The following SYNE2 variants were observed in gnomAD, a reference collection of about 807,000 sequenced individuals.
The protein encoded by SYNE2 is nesprin-2.
SYNE2 carries 431 observed loss-of-function variants against 856.3 expected under a neutral mutation model. That is an observed-to-expected ratio of 0.50 (90% confidence interval 0.47 to 0.55). SYNE2 has a LOEUF of 0.55. SYNE2 is among the 20% of genes least tolerant of loss of function. The pLI is 0.00. For missense variants in SYNE2, 8,129 were observed against 8,023.2 expected, an observed-to-expected ratio of 1.01 and a Z score of -0.50; for synonymous variants, 2,923 against 2,872.3, an observed-to-expected ratio of 1.02 and a Z score of -0.56.
chr14:64,212,367 G>GT (rs1473678010), intron 104 of SYNE2, among the ~76,000 whole-genome samples: 1 of 152,184 alleles, frequency 6.6e-6, no homozygotes, highest in Non-Finnish European at 1.5e-5. Flanking sequence ...TAATCTCACT[G>GT]TAATTCTCTC....
chr14:63,827,783 T>C (rs562876715), intron 1 of SYNE2, among the ~76,000 whole-genome samples: 2 of 151,344 alleles, frequency 1.3e-5, no homozygotes, highest in East Asian at 3.9e-4. Context: ...CTCAGCAAGA[T>C]GAGATCAGCC....
At position 63,817,481 on chromosome 14, in the gene SYNE2, A is replaced by AAAAC. The variant is rs568256220; in HGVS notation, c.-304-35000_-304-34997dup. On this transcript the variant is annotated intron_variant, in intron 1 of 23. Coordinates refer to the SYNE2 transcript ENST00000674003. ...GACCCTGTCTCAAAAAACATAAACA[A>AAAAC]AAACAAACAAACAAACAAACAAAAA... is the stretch of plus-strand genomic sequence containing the variant. 5.7e-3 allele frequency among the ~76,000 whole-genome samples: 869 copies of AAAAC among 152,080 alleles called. 5 individuals are homozygous for AAAAC. The highest frequency in any genetic ancestry group is 0.019 in the African/African-American group (794 of 41,436).
Position 64,027,599 on chromosome 14 carries a change from G to A in SYNE2, c.6520G>A (p.Gly2174Ser). 1 of 1,614,040 alleles carries A rather than the reference G, an allele frequency of 6.2e-7. No individual in the cohort carries two copies. Among genetic ancestry groups the A allele is most frequent in the African/African-American group, 1.3e-5 (1 of 75,034 alleles). ...KQEAGFALQH[G>S]LQEKKAQLKI... is the part of the protein sequence containing the mutation. Reference sequence around the variant, plus strand: ...GGAAGCAGGCTTTGCTCTACAACATGGTCTGCAGGAGAAGAAAGCTCAGTT... The same window carrying A: ...GGAAGCAGGCTTTGCTCTACAACATAGTCTGCAGGAGAAGAAAGCTCAGTT... Residue 2174 changes from glycine to serine, a missense_variant, in exon 43 of 116, where the codon GGT becomes AGT. This residue lies in a region of SYNE2 where 297 missense variants were observed against 380.9 expected (regional missense o/e 0.78). Transcript: ENST00000555002.
At chr14:64,103,900 C>T (rs1567309673) in intron 64 of SYNE2, among the ~76,000 whole-genome samples, 1 of 152,208 alleles carries the variant, frequency 6.6e-6, no homozygotes, top group Non-Finnish European at 1.5e-5. Flanking sequence ...AACCTCCTGA[C>T]ATCCTGCAAA....
At chr14:64,002,170 T>C in intron 29 of SYNE2, 89 bp downstream of exon 29, 2 of 1,109,182 alleles carry the variant, frequency 1.8e-6, no homozygotes. Flanking sequence ...TTATTCATGA[T>C]AGCATAGATT....
At chr14:64,141,778 G>A (rs1449902696) in intron 81 of SYNE2, among the ~76,000 whole-genome samples, 164 bp from the exon 82 acceptor site, 4 of 151,710 alleles carry the variant, frequency 2.6e-5, no homozygotes, top group Admixed American at 1.3e-4. Context: ...TCATTGTTTT[G>A]GGGTCGCTTA....
intron 85 of SYNE2, among the ~76,000 whole-genome samples, chr14:64,156,440 T>A (rs1027226184): frequency 3.6e-5 from 5 of 138,214 alleles, no homozygotes; most frequent in African/African-American, 1.4e-4. Flanking sequence ...GCCTTTCTTC[T>A]TTATTTTCTT....
At chr14:64,002,616 A>G in intron 29 of SYNE2, 104 bp from the exon 30 acceptor site, 14 of 1,326,976 alleles carry the variant, frequency 1.1e-5, no homozygotes, top group Non-Finnish European at 1.3e-5. Flanking sequence ...ACTCAAAAGC[A>G]TTTTTCTAGA....
At chr14:64,070,126 C>G (rs2097393890) in intron 51 of SYNE2, among the ~76,000 whole-genome samples, 1 of 152,170 alleles carries the variant, frequency 6.6e-6, no homozygotes, top group Non-Finnish European at 1.5e-5. Context: ...GTGTACACCA[C>G]TATTGATAAA....
chr14:64,064,125 G>A (rs2097339210), intron 50 of SYNE2, among the ~76,000 whole-genome samples: 1 of 152,004 alleles, frequency 6.6e-6, no homozygotes, highest in Non-Finnish European at 1.5e-5. Flanking sequence ...GAAGTGAGGT[G>A]ATGAAATGAA....
chr14:64,137,022 A>G (rs2098098420), intron 78 of SYNE2, among the ~76,000 whole-genome samples: 1 of 152,180 alleles, frequency 6.6e-6, no homozygotes, highest in African/African-American at 2.4e-5. Flanking sequence ...TAGGTCTTCC[A>G]GTTTTCCCAC....
intron 99 of SYNE2, among the ~76,000 whole-genome samples, chr14:64,195,166 C>T (rs2098535511): frequency 6.6e-6 from 1 of 152,136 alleles, no homozygotes; most frequent in Non-Finnish European, 1.5e-5. Flanking sequence ...CTGATGAAAG[C>T]GTTCAGTATC....
chr14:64,087,090 T>A, intron 57 of SYNE2, among the ~76,000 whole-genome samples: 1 of 10,316 alleles, frequency 9.7e-5, no homozygotes, highest in South Asian at 3.1e-3. Flanking sequence ...CAGTGATAAT[T>A]GGTAAAAAAA....
intron 30 of SYNE2, among the ~76,000 whole-genome samples, chr14:64,005,460 G>T (rs1479649748): frequency 6.6e-6 from 1 of 152,176 alleles, no homozygotes; most frequent in African/African-American, 2.4e-5. Context: ...GGTCAAGAAT[G>T]CTTCCAAGCA....
chr14:63,959,495 G>A (rs1279183244), intron 8 of SYNE2, among the ~76,000 whole-genome samples: 8 of 151,328 alleles, frequency 5.3e-5, no homozygotes, highest in Non-Finnish European at 1.2e-4. Flanking sequence ...AGGGGGTTTC[G>A]CCGTGTTGGC....
chr14:63,979,267 A>G (rs1444321816), intron 14 of SYNE2, among the ~76,000 whole-genome samples: 7 of 152,228 alleles, frequency 4.6e-5, no homozygotes, highest in African/African-American at 1.7e-4. Flanking sequence ...AGGTCTATTA[A>G]TGTAATATAA....
At chr14:64,043,541 T>A (rs2153565559) in intron 45 of SYNE2, among the ~76,000 whole-genome samples, 1 of 152,078 alleles carries the variant, frequency 6.6e-6, no homozygotes, top group East Asian at 1.9e-4. Context: ...AGAGTCCTTT[T>A]GCTGTGTACA....
chr14:64,072,792 C>T (rs972208403), intron 52 of SYNE2, among the ~76,000 whole-genome samples: 3 of 152,104 alleles, frequency 2.0e-5, no homozygotes, highest in Admixed American at 1.3e-4. Context: ...TGAGCCACTG[C>T]GCCCCGCTGG....
At chr14:63,835,408 T>G (rs1329481408) in intron 1 of SYNE2, among the ~76,000 whole-genome samples, 1 of 152,052 alleles carries the variant, frequency 6.6e-6, no homozygotes, top group Non-Finnish European at 1.5e-5. Context: ...AATTTTTGTA[T>G]TTTTAGTAGA....
Sources: allele counts gnomAD v4.1 joint callset (sites outside exome capture counted in the v4.1 genomes callset), GRCh38; gene constraint gnomAD v4.1.1; regional missense constraint gnomAD v4.1.1; transcripts MANE v1.5; gene names NCBI Gene and HGNC (gene_info 2026-07-23, HGNC 2026-07-21).